Variants in FAM120B observed in about 807,000 individuals in gnomAD.
FAM120B encodes the protein constitutive coactivator of peroxisome proliferator-activated receptor gamma.
In FAM120B, 83 loss-of-function variants were observed where a neutral mutation model predicts 96.3. The ratio of observed to expected loss-of-function variants is 0.86; its 90% confidence interval spans 0.72 to 1.03. FAM120B has a LOEUF of 1.03. Ranked by LOEUF, FAM120B falls within the 50% of genes least tolerant of loss-of-function variation. The pLI, the probability that FAM120B is intolerant of heterozygous loss-of-function variation, is 0.00. For synonymous variants in FAM120B, 407 were observed against 402.7 expected, an observed-to-expected ratio of 1.01 and a Z score of -0.13; for missense variants, 1,027 against 1,121.2, an observed-to-expected ratio of 0.92 and a Z score of 1.20.
intron 1 of FAM120B, among the ~76,000 whole-genome samples, chr6:170,297,398 C>T (rs940926107): frequency 3.3e-5 from 5 of 152,248 alleles, no homozygotes; most frequent in African/African-American, 1.2e-4. Context: ...TGCGTTCCAT[C>T]CCATTCACAG....
At chr6:170,371,468 A>G (rs1421524138) in intron 6 of FAM120B, among the ~76,000 whole-genome samples, 1 of 152,188 alleles carries the variant, frequency 6.6e-6, no homozygotes, top group African/African-American at 2.4e-5. Flanking sequence ...GTGGAATGAC[A>G]TCCCCCTCGG....
Position 170,323,220 on chromosome 6 carries a change from C to T in FAM120B, c.1876C>T (p.Arg626Ter), listed in dbSNP as rs746753927. The T allele has an allele frequency of 8.1e-6, 13 of 1,613,944 alleles. No homozygotes were observed. Among genetic ancestry groups the T allele is most frequent in the African/African-American group, 2.7e-5 (2 of 74,912 alleles). ...CCAGGCCTTCATTTACCGTCCCATT[C>T]GACAGCGGGTCTACTCACTCTTACT... ...PSQAFIYRPI[R>*]QRVYSLLLED... is the part of the protein sequence containing the mutation. The change falls in exon 3 of 11, where the codon CGA becomes TGA. Residue 626 changes from arginine to a stop codon, truncating the protein, a stop_gained. Transcript: ENST00000476287. LOFTEE classifies it high-confidence loss of function.
upstream of FAM120B, among the ~76,000 whole-genome samples, chr6:170,294,783 G>T (rs1249902086): frequency 2.0e-5 from 3 of 152,196 alleles, no homozygotes; most frequent in Non-Finnish European, 4.4e-5. The surrounding 1 kb of genome is among the most constrained non-coding windows in gnomAD (Gnocchi z 7.9). Context: ...CCAGCCACAG[G>T]TTCAGTTTTC....
chr6:170,295,537 C>T lies in FAM120B; in HGVS notation c.48+84C>T. On this transcript the variant is annotated intron_variant, in intron 1 of 10. Transcript: ENST00000537664. The surrounding 1 kb of genome is among the most constrained non-coding windows in gnomAD (Gnocchi z 7.8). ...GCGGGCAGGAGCGCGACCCCCGGCG[C>T]GGGCAGCTCTGCGCGAAGGTGGGCG... 1 of 626,078 alleles carries T rather than the reference C, an allele frequency of 1.6e-6. No individual in the cohort carries two copies. Among genetic ancestry groups the T allele is most frequent in the Non-Finnish European group, 2.8e-6 (1 of 354,392 alleles). The allele number at this position is 626,078 out of a possible 1,614,324, so 38.8% of individuals were successfully genotyped here.
At chr6:170,335,300 A>G (rs535107809) in intron 4 of FAM120B, among the ~76,000 whole-genome samples, 3 of 151,894 alleles carry the variant, frequency 2.0e-5, no homozygotes, top group Non-Finnish European at 4.4e-5. Context: ...GAGTGAGAAC[A>G]TGCGGTGTTT....
intron 2 of FAM120B, among the ~76,000 whole-genome samples, chr6:170,320,624 T>A (rs555614699): frequency 6.6e-6 from 1 of 152,156 alleles, no homozygotes; most frequent in Admixed American, 6.5e-5. Flanking sequence ...GAAGATTAAG[T>A]GGGTTATATT....
chr6:170,305,940 G>C (rs960465093), upstream of FAM120B, among the ~76,000 whole-genome samples: 1 of 152,104 alleles, frequency 6.6e-6, no homozygotes, highest in Non-Finnish European at 1.5e-5. Flanking sequence ...TATGACGACA[G>C]GGACCTGCAC....
intron 4 of FAM120B, among the ~76,000 whole-genome samples, chr6:170,343,230 T>C (rs1055387924): frequency 6.6e-6 from 1 of 152,250 alleles, no homozygotes; most frequent in Non-Finnish European, 1.5e-5. Flanking sequence ...TAGGAGGAGC[T>C]AACATTTTAC....
chr6:170,300,564 A>C (rs368832567), intron 1 of FAM120B, among the ~76,000 whole-genome samples: 13 of 152,318 alleles, frequency 8.5e-5, no homozygotes, highest in African/African-American at 3.1e-4. Flanking sequence ...TCATTCCAGC[A>C]TTAGCTCAAA....
At chr6:170,395,361 C>G in intron 8 of FAM120B, 126 bp from the exon 9 acceptor site, 1 of 761,692 alleles carries the variant, frequency 1.3e-6, no homozygotes, top group Non-Finnish European at 2.3e-6. Context: ...TTTTTCATGA[C>G]CCTCCCTCTG....
At chr6:170,301,364 G>T (rs749364032) in intron 1 of FAM120B, among the ~76,000 whole-genome samples, 16 of 151,110 alleles carry the variant, frequency 1.1e-4, no homozygotes, top group Non-Finnish European at 2.2e-4. Context: ...CACACAGAAA[G>T]GGGGGGCCTG....
chr6:170,399,988 G>A (rs71576520), intron 9 of FAM120B, among the ~76,000 whole-genome samples: 188 of 105,642 alleles, frequency 1.8e-3, no homozygotes, highest in Middle Eastern at 0.014. Flanking sequence ...AGTGAGTGAG[G>A]AAGGTAGAAC....
intron 4 of FAM120B, among the ~76,000 whole-genome samples, chr6:170,332,063 C>T (rs892724026): frequency 6.6e-6 from 1 of 152,002 alleles, no homozygotes; most frequent in African/African-American, 2.4e-5. Flanking sequence ...TATGGAGGGC[C>T]ACGTCTTAAA....
chr6:170,304,119 AG>A (rs1195876815), upstream of FAM120B, among the ~76,000 whole-genome samples: 1 of 152,260 alleles, frequency 6.6e-6, no homozygotes, highest in African/African-American at 2.4e-5. Context: ...ATTTTGGAGA[AG>A]AATATCCTCC....
chr6:170,337,705 C>G lies in FAM120B; in HGVS notation c.2017+7155C>G, dbSNP rs544402641. Among the ~76,000 whole-genome samples, 8 of 152,230 alleles carry G rather than the reference C, an allele frequency of 5.3e-5. No individual in the cohort carries two copies. The South Asian group carries it at 1.7e-3, about 32-fold the overall frequency. ...AGGCTATTAATTATTGTGTCAATTT[C>G]AGAACCTATTATTGGTCCGTTCAGG... On this transcript the variant is annotated intron_variant, in intron 4 of 10. Transcript: ENST00000476287.
At chr6:170,365,981 A>T (rs1227763722) in intron 6 of FAM120B, among the ~76,000 whole-genome samples, 1 of 151,756 alleles carries the variant, frequency 6.6e-6, no homozygotes, top group African/African-American at 2.4e-5. Context: ...CAGAGCAGGA[A>T]CTCCTCACAA....
intron 6 of FAM120B, among the ~76,000 whole-genome samples, chr6:170,371,717 CTG>C (rs1288173855): frequency 2.6e-5 from 4 of 152,248 alleles, no homozygotes; most frequent in Non-Finnish European, 5.9e-5. Context: ...AGAGCCCCCT[CTG>C]TGCTCCTAGC....
At chr6:170,387,173 G>A (rs971529260) in intron 6 of FAM120B, among the ~76,000 whole-genome samples, 2 of 152,166 alleles carry the variant, frequency 1.3e-5, no homozygotes, top group Non-Finnish European at 2.9e-5. Flanking sequence ...AAAAAGTGTC[G>A]CACAGCACTA....
At chr6:170,391,165 C>A in intron 8 of FAM120B, 44 bp downstream of exon 8, 1 of 1,283,870 alleles carries the variant, frequency 7.8e-7, no homozygotes, top group South Asian at 1.2e-5. Context: ...CAAGCGTAGA[C>A]CCTAACTGCT....
Sources: allele counts gnomAD v4.1 joint callset (sites outside exome capture counted in the v4.1 genomes callset), GRCh38; gene constraint gnomAD v4.1.1; non-coding constraint Gnocchi (gnomAD v3.1); transcripts MANE v1.5; gene names NCBI Gene and HGNC (gene_info 2026-07-23, HGNC 2026-07-21).